ADCY5: variants seen among roughly 807,000 people sequenced by gnomAD.
ADCY5 encodes adenylate cyclase 5.
A neutral mutation model predicts 119.7 loss-of-function variants in ADCY5; 30 were observed. The observed-to-expected ratio is 0.25, with a 90% CI of 0.19 to 0.34. The LOEUF is 0.34. Ranked by LOEUF, ADCY5 falls within the 10% of genes least tolerant of loss-of-function variation. The pLI is 1.00. For missense variants in ADCY5, 1,324 were observed against 1,775.2 expected (o/e 0.75, Z 4.57); for synonymous variants, 753 against 762.2 (o/e 0.99, Z 0.20).
rs541066409 is a variant in ADCY5, at chr3:123,438,893, C to T, written c.1134+8519G>A. Among the ~76,000 whole-genome samples, 4 of 151,918 alleles carry T rather than the reference C, an allele frequency of 2.6e-5. No homozygotes were observed. In the South Asian group the frequency reaches 8.4e-4, roughly 32 times the overall value. ...TCCCAGGTAGCTAGGACTATAGGTGCGTTCCACCACACCTGATTAACCTTT... is the reference window on the plus strand; with the variant it reads ...TCCCAGGTAGCTAGGACTATAGGTGTGTTCCACCACACCTGATTAACCTTT... On this transcript the variant is annotated intron_variant, in intron 1 of 20. Transcript: ENST00000462833.
chr3:123,306,747 C>A (rs1452186405), intron 12 of ADCY5, among the ~76,000 whole-genome samples: 3 of 152,292 alleles, frequency 2.0e-5, no homozygotes, highest in Middle Eastern at 6.8e-3. Flanking sequence ...CTGGGTATAT[C>A]CCCCAAAGAA....
intron 12 of ADCY5, among the ~76,000 whole-genome samples, chr3:123,308,028 C>CTTTTTTT (rs1178147327): frequency 2.7e-4 from 23 of 85,660 alleles, no homozygotes; most frequent in Non-Finnish European, 4.0e-4. Flanking sequence ...TTTTCATGCT[C>CTTTTTTT]TTTTTTTTTT....
chr3:123,370,876 G>C (rs1943613254), intron 1 of ADCY5, among the ~76,000 whole-genome samples: 1 of 151,962 alleles, frequency 6.6e-6, no homozygotes, highest in Non-Finnish European at 1.5e-5. Context: ...TGGGGCAGAA[G>C]GGAGAAATCA....
At chr3:123,321,691 G>A (rs1441929846) in intron 8 of ADCY5, among the ~76,000 whole-genome samples, 3 of 152,220 alleles carry the variant, frequency 2.0e-5, no homozygotes, top group African/African-American at 7.2e-5. Flanking sequence ...AACACTGGGT[G>A]AACCCAAAAT....
chr3:123,413,042 T>C lies in ADCY5; in HGVS notation c.1134+34370A>G, dbSNP rs114028471. On this transcript the variant is annotated intron_variant, in intron 1 of 20. Coordinates refer to ENST00000462833, the MANE Select transcript of ADCY5 (RefSeq NM_183357.3). ...GAGCCCCCTGGAGACGACCTCACCGTCCTCAGCAGACACAGGCTTCATGAC... is the reference window on the plus strand; with the variant it reads ...GAGCCCCCTGGAGACGACCTCACCGCCCTCAGCAGACACAGGCTTCATGAC... Among the ~76,000 whole-genome samples the C allele has an allele frequency of 3.6e-3, 551 of 152,010 alleles. 2 individuals are homozygous for C. The highest frequency in any genetic ancestry group is 0.013 in the African/African-American group (517 of 41,304).
At chr3:123,443,719 G>T (rs2107655292) in intron 1 of ADCY5, among the ~76,000 whole-genome samples, 1 of 152,312 alleles carries the variant, frequency 6.6e-6, no homozygotes, top group East Asian at 1.9e-4. Flanking sequence ...GGTGGGAGAT[G>T]GGTTGTCCCA....
intron 1 of ADCY5, among the ~76,000 whole-genome samples, chr3:123,398,722 G>A (rs1944671120): frequency 6.6e-6 from 1 of 152,042 alleles, no homozygotes; most frequent in African/African-American, 2.4e-5. Flanking sequence ...TCCTGTCCCT[G>A]CCGTTTTCTT....
chr3:123,438,722 G>T (rs1411237082), intron 1 of ADCY5, among the ~76,000 whole-genome samples: 2 of 152,126 alleles, frequency 1.3e-5, no homozygotes, highest in Non-Finnish European at 2.9e-5. Flanking sequence ...ATGCCAAAGA[G>T]AAGCTCTAAA....
rs1938595663 is a variant in ADCY5 at position 123,284,486 on chromosome 3, G to GA, written c.*121dup. ...CAGAAGCTGCTCTGGAGTCCAAGTG[G>GA]AAAATCTCAGCAGCGCAGCCCTGCG... On this transcript the variant is annotated 3_prime_UTR_variant, in exon 21 of 21. Coordinates refer to ENST00000462833, the MANE Select transcript of ADCY5 (RefSeq NM_183357.3). 1.8e-5 allele frequency: 27 copies of GA among 1,461,160 alleles called. No individual in the cohort carries two copies. The highest frequency in any genetic ancestry group is 2.4e-5 in the Non-Finnish European group (26 of 1,085,862). The allele number at this position is 1,461,160 out of a possible 1,614,324, so 90.5% of individuals were successfully genotyped here. A position where few individuals can be genotyped will look rare whatever the true frequency, so the allele number is the denominator to read the frequency against.
At chr3:123,384,447 G>A (rs560928961) in intron 1 of ADCY5, among the ~76,000 whole-genome samples, 1 of 152,160 alleles carries the variant, frequency 6.6e-6, no homozygotes, top group Non-Finnish European at 1.5e-5. Flanking sequence ...TGGCTCCATG[G>A]CCCCAGAAGC....
intron 11 of ADCY5, among the ~76,000 whole-genome samples, chr3:123,317,276 T>C (rs989157533): frequency 6.6e-6 from 1 of 152,028 alleles, no homozygotes; most frequent in African/African-American, 2.4e-5. Flanking sequence ...CCTCCAGAAC[T>C]TGAAATCCAT....
intron 1 of ADCY5, among the ~76,000 whole-genome samples, chr3:123,384,583 T>G (rs1944154065): frequency 6.6e-6 from 1 of 152,194 alleles, no homozygotes; most frequent in Non-Finnish European, 1.5e-5. Context: ...ACACTGCCCT[T>G]CCTCTGACCC....
chr3:123,432,567 C>A (rs966448521), intron 1 of ADCY5, among the ~76,000 whole-genome samples: 1 of 152,002 alleles, frequency 6.6e-6, no homozygotes, highest in Non-Finnish European at 1.5e-5. Context: ...GGTCTTGCTC[C>A]GTGCCCAGGC....
chr3:123,367,799 C>T, intron 1 of ADCY5: 1 of 1,454,986 alleles, frequency 6.9e-7, no homozygotes, highest in South Asian at 1.3e-5. Context: ...CATCTCCTCC[C>T]TCTTTCCATT....
rs113635107 is a variant in ADCY5, at chr3:123,397,853, C to T, written c.1135-45272G>A. Reference sequence around the variant, plus strand: ...ATCCCTGGCTCAAACCCTGGCTGGACAGATGAGGAACTAATAGGGTGAAAA... The same window carrying T: ...ATCCCTGGCTCAAACCCTGGCTGGATAGATGAGGAACTAATAGGGTGAAAA... On this transcript the variant is annotated intron_variant, in intron 1 of 20. Transcript: ENST00000462833. Among the ~76,000 whole-genome samples, 723 of 152,244 alleles carry T rather than the reference C, an allele frequency of 4.7e-3. 9 individuals are homozygous for T. The highest frequency in any genetic ancestry group is 0.017 in the African/African-American group (704 of 41,544).
At chr3:123,360,473 C>G (rs1943210135) in intron 1 of ADCY5, among the ~76,000 whole-genome samples, 1 of 152,122 alleles carries the variant, frequency 6.6e-6, no homozygotes, top group African/African-American at 2.4e-5. Flanking sequence ...AAATGAGACC[C>G]TTAACATCAT....
At chr3:123,444,534 C>T (rs1389659461) in intron 1 of ADCY5, among the ~76,000 whole-genome samples, 1 of 152,164 alleles carries the variant, frequency 6.6e-6, no homozygotes, top group Non-Finnish European at 1.5e-5. Flanking sequence ...CACCATCCCA[C>T]CAAGAGGGGC....
At position 123,373,238 on chromosome 3, in the gene ADCY5, TATGTAC is replaced by T. The variant is rs538482554; in HGVS notation, c.1135-20663_1135-20658del. 1.2e-3 allele frequency among the ~76,000 whole-genome samples: 185 copies of T among 152,338 alleles called. 1 individual carries two copies. The highest frequency in any genetic ancestry group is 3.5e-3 in the African/African-American group (144 of 41,574). On this transcript the variant is annotated intron_variant, in intron 1 of 20. Coordinates refer to ENST00000462833, the MANE Select transcript of ADCY5 (RefSeq NM_183357.3). ...ATCACAGCCATTTCCAGGCAGCTGG[TATGTAC>T]ATGAGGAATACAGACTGATCTGACT...
At chr3:123,324,693 T>A (rs1209595379) in intron 8 of ADCY5, among the ~76,000 whole-genome samples, 1 of 152,162 alleles carries the variant, frequency 6.6e-6, no homozygotes, top group African/African-American at 2.4e-5. Flanking sequence ...TGAATTCACC[T>A]GTCCCGGTGT....
Sources: allele counts gnomAD v4.1 joint callset (sites outside exome capture counted in the v4.1 genomes callset), GRCh38; gene constraint gnomAD v4.1.1; transcripts MANE v1.5; gene names NCBI Gene and HGNC (gene_info 2026-07-23, HGNC 2026-07-21).